GRID2: variants seen among roughly 807,000 people sequenced by gnomAD.
GRID2 encodes glutamate ionotropic receptor delta type subunit 2.
GRID2 carries 33 observed loss-of-function variants against 114.8 expected under a neutral mutation model. The ratio of observed to expected loss-of-function variants is 0.29; its 90% confidence interval spans 0.22 to 0.38. The LOEUF (loss-of-function observed/expected upper bound fraction) is 0.38, where lower values mean the gene tolerates loss of function less well. Ranked by LOEUF, GRID2 falls within the 10% of genes least tolerant of loss-of-function variation. The pLI, the probability that GRID2 is intolerant of heterozygous loss-of-function variation, is 1.00. For missense variants in GRID2, 1,184 were observed against 1,257.7 expected (o/e 0.94, Z 0.89); for synonymous variants, 505 against 449.9 (o/e 1.12, Z -1.55).
chr4:92,640,007 A>G (rs1470015294), intron 2 of GRID2, among the ~76,000 whole-genome samples: 2 of 151,786 alleles, frequency 1.3e-5, no homozygotes, highest in East Asian at 1.9e-4. Flanking sequence ...AAATGCCATA[A>G]AACACTTAGA....
intron 10 of GRID2, among the ~76,000 whole-genome samples, chr4:93,450,785 C>T (rs936662314): frequency 4.6e-5 from 7 of 151,644 alleles, no homozygotes; most frequent in African/African-American, 1.7e-4. Context: ...AATCATTTTA[C>T]AATAAATATT....
intron 1 of GRID2, among the ~76,000 whole-genome samples, chr4:92,416,084 T>C (rs1386030171): frequency 1.3e-5 from 2 of 152,044 alleles, no homozygotes; most frequent in African/African-American, 4.8e-5. Flanking sequence ...TTTTAATTTT[T>C]ACTTATGGCC....
chr4:93,174,265 C>T (rs138581772), intron 4 of GRID2, among the ~76,000 whole-genome samples: 49 of 152,212 alleles, frequency 3.2e-4, no homozygotes, highest in South Asian at 1.5e-3. Context: ...ATCTCAGATA[C>T]CTCCCCCCAA....
chr4:92,415,113 A>G (rs1259913849), intron 1 of GRID2, among the ~76,000 whole-genome samples: 1 of 151,994 alleles, frequency 6.6e-6, no homozygotes, highest in East Asian at 1.9e-4. Flanking sequence ...TAAAAAGCAA[A>G]TTTTATCTTG....
intron 1 of GRID2, among the ~76,000 whole-genome samples, chr4:92,467,746 A>G (rs1721827182): frequency 6.6e-6 from 1 of 152,026 alleles, no homozygotes; most frequent in Non-Finnish European, 1.5e-5. Context: ...TACACATGTT[A>G]TGGAAAAAAA....
chr4:93,688,780 T>C (rs1353952834), intron 14 of GRID2, among the ~76,000 whole-genome samples: 3 of 152,102 alleles, frequency 2.0e-5, no homozygotes, highest in African/African-American at 7.2e-5. Flanking sequence ...ACTGTCCATT[T>C]ACACAGATGA....
intron 2 of GRID2, among the ~76,000 whole-genome samples, chr4:92,666,494 C>T (rs1238184390): frequency 6.6e-6 from 1 of 151,318 alleles, no homozygotes; most frequent in Non-Finnish European, 1.5e-5. Flanking sequence ...GTGTTGAAAA[C>T]TGTATATTTT....
chr4:93,176,086 A>G (rs998518093), intron 4 of GRID2, among the ~76,000 whole-genome samples: 5 of 152,234 alleles, frequency 3.3e-5, no homozygotes, highest in Non-Finnish European at 5.9e-5. Context: ...AATAATCAAC[A>G]GTTAATAAGC....
chr4:92,646,440 A>G (rs1731628699), intron 2 of GRID2, among the ~76,000 whole-genome samples: 1 of 152,214 alleles, frequency 6.6e-6, no homozygotes, highest in African/African-American at 2.4e-5. Context: ...TTACCTATTA[A>G]TATTTTTTCT....
chr4:92,834,011 G>A (rs1158132156), intron 2 of GRID2: 2 of 152,164 alleles, frequency 1.3e-5, no homozygotes, highest in African/African-American at 4.8e-5. Flanking sequence ...AATAAGTTAG[G>A]TCCCAAATTC....
At chr4:93,328,215 C>T (rs1439237275) in intron 8 of GRID2, among the ~76,000 whole-genome samples, 2 of 152,068 alleles carry the variant, frequency 1.3e-5, no homozygotes, top group Non-Finnish European at 2.9e-5. Flanking sequence ...TGAGCTAAAA[C>T]CTCCAATGTC....
At chr4:93,336,343 A>G (rs1759086744) in intron 8 of GRID2, among the ~76,000 whole-genome samples, 1 of 152,052 alleles carries the variant, frequency 6.6e-6, no homozygotes, top group Admixed American at 6.6e-5. Flanking sequence ...CATATTTTTT[A>G]TGCTAATGTA....
At chr4:93,276,413 A>G (rs1752064779) in intron 8 of GRID2, among the ~76,000 whole-genome samples, 1 of 151,958 alleles carries the variant, frequency 6.6e-6, no homozygotes, top group African/African-American at 2.4e-5. Flanking sequence ...TTTCAGGATC[A>G]TGTTGACTCT....
chr4:93,372,479 G>C (rs1177533898), intron 8 of GRID2, among the ~76,000 whole-genome samples: 1 of 152,018 alleles, frequency 6.6e-6, no homozygotes, highest in Non-Finnish European at 1.5e-5. Context: ...ATTGTGTCCT[G>C]CTTTTGCTTA....
intron 1 of GRID2, among the ~76,000 whole-genome samples, chr4:93,798,431 A>G (rs1000576805): frequency 5.3e-5 from 8 of 152,108 alleles, no homozygotes; most frequent in African/African-American, 1.7e-4. Context: ...GGCCGCCTAG[A>G]CAAGATGACT....
At chr4:93,728,007 T>G (rs989371231) in intron 14 of GRID2, among the ~76,000 whole-genome samples, 1 of 152,210 alleles carries the variant, frequency 6.6e-6, no homozygotes, top group African/African-American at 2.4e-5. Flanking sequence ...CTGATCTTAG[T>G]TATTTCTTGC....
At chr4:92,455,128 A>G (rs1371622498) in intron 1 of GRID2, among the ~76,000 whole-genome samples, 1 of 152,202 alleles carries the variant, frequency 6.6e-6, no homozygotes, top group Non-Finnish European at 1.5e-5. Context: ...AAAAATCCTA[A>G]TAGAGCCCAT....
chr4:92,486,553 A>T (rs1252908249), intron 1 of GRID2, among the ~76,000 whole-genome samples: 9 of 113,228 alleles, frequency 7.9e-5, no homozygotes, highest in African/African-American at 3.0e-4. Context: ...TCTTTCACAC[A>T]CACACACACA....
intron 2 of GRID2, among the ~76,000 whole-genome samples, chr4:92,990,259 A>G (rs1024787742): frequency 6.9e-6 from 1 of 144,658 alleles, no homozygotes; most frequent in Admixed American, 7.0e-5. Context: ...TGATATATGT[A>G]TATATATATG....
Sources: gnomAD v4.1 joint callset for allele counts (sites outside exome capture counted in the v4.1 genomes callset) on GRCh38, gnomAD v4.1.1 for gene constraint, MANE v1.5 for transcripts, NCBI Gene and HGNC (gene_info 2026-07-23, HGNC 2026-07-21) for gene names.